Variants in COL28A1 observed in about 807,000 individuals in gnomAD.
COL28A1 encodes collagen alpha-1(XXVIII) chain.
Under a neutral mutation model 150.2 loss-of-function variants are expected in COL28A1, and 161 were observed. The ratio of observed to expected loss-of-function variants is 1.07; its 90% CI spans 0.94 to 1.22. The LOEUF is 1.22. Ranked by LOEUF, COL28A1 falls within the 50% of genes most tolerant of loss-of-function variation. The pLI, the probability that COL28A1 is intolerant of heterozygous loss-of-function variation, is 0.00. For synonymous variants in COL28A1, 552 were observed against 469.7 expected (o/e 1.18, Z -2.26); for missense variants, 1,617 against 1,388.3 (o/e 1.16, Z -2.62).
rs531564030 is a variant in COL28A1, at chr7:7,461,753, C to T, written c.1303-5641G>A. On this transcript the variant is annotated intron_variant, in intron 15 of 34. Transcript: ENST00000399429. ...AGACCCACCCAAGTAGAAGTAGAGT[C>T]TGAGCTCAGAAACACCTAGCCTTGC... Among the ~76,000 whole-genome samples the T allele has an allele frequency of 3.3e-5, 5 of 152,258 alleles. No individual in the cohort carries two copies. The South Asian group carries it at 1.0e-3, about 32-fold the overall frequency.
chr7:7,427,969 A>C (rs1784738117), intron 25 of COL28A1, among the ~76,000 whole-genome samples: 1 of 152,164 alleles, frequency 6.6e-6, no homozygotes, highest in African/African-American at 2.4e-5. Flanking sequence ...ATCCATATCC[A>C]TAGCCCCTCT....
chr7:7,359,647 A>T (rs1022369581), intron 34 of COL28A1, among the ~76,000 whole-genome samples: 3 of 152,136 alleles, frequency 2.0e-5, no homozygotes, highest in African/African-American at 7.2e-5. Context: ...CTTATATGTG[A>T]TAAACTTTAT....
Position 7,456,120 on chromosome 7 carries a change from GA to G in COL28A1, c.1303-9del. On this transcript the variant is annotated splice_polypyrimidine_tract_variant and intron_variant, in intron 15 of 34. Coordinates refer to ENST00000399429, the MANE Select transcript of COL28A1 (RefSeq NM_001037763.3). ...CACAGGTCCTATATCCCCCTGCACA[GA>G]AAATAAGCCAGGAAATATAACAATA... 6.2e-7 allele frequency: 1 copy of G among 1,608,542 alleles called. No individual in the cohort carries two copies. Among genetic ancestry groups the G allele is most frequent in the South Asian group, 1.1e-5 (1 of 89,990 alleles).
intron 13 of COL28A1, among the ~76,000 whole-genome samples, chr7:7,480,098 C>T (rs1290659849): frequency 2.0e-5 from 3 of 152,178 alleles, no homozygotes; most frequent in African/African-American, 7.2e-5. Flanking sequence ...ATACAGTAAT[C>T]CAGGGTGATT....
Position 7,380,763 on chromosome 7 carries a change from G to A in COL28A1, c.2286+19C>T. 1.2e-6 allele frequency: 2 copies of A among 1,612,208 alleles called. No homozygotes were observed. The highest frequency in any genetic ancestry group is 1.7e-6 in the Non-Finnish European group (2 of 1,178,290). ...CAGTTAGAGTATAAAATCACAGTGA[G>A]ACATTAAAAACTACTTGCCTGTTTT... On this transcript the variant is annotated intron_variant, in intron 29 of 34. Transcript: ENST00000399429.
chr7:7,387,068 C>T (rs1188679849), intron 27 of COL28A1, among the ~76,000 whole-genome samples: 2 of 152,086 alleles, frequency 1.3e-5, no homozygotes, highest in Admixed American at 6.6e-5. Flanking sequence ...TAATCACCAC[C>T]CCAAGGCCCC....
chr7:7,354,466 G>C (rs575994509), downstream of COL28A1, among the ~76,000 whole-genome samples: 44 of 151,858 alleles, frequency 2.9e-4, no homozygotes, highest in East Asian at 3.5e-3. Flanking sequence ...TACAGAGTAG[G>C]GTGTCCTCAA....
intron 9 of COL28A1, among the ~76,000 whole-genome samples, chr7:7,508,223 C>T (rs1036926693): frequency 6.7e-6 from 1 of 149,568 alleles, no homozygotes; most frequent in African/African-American, 2.5e-5. Flanking sequence ...CAGAGCGAGA[C>T]TCTGTCTCAA....
chr7:7,415,286 T>C (rs1198750130), intron 27 of COL28A1, among the ~76,000 whole-genome samples: 4 of 152,212 alleles, frequency 2.6e-5, no homozygotes, highest in Non-Finnish European at 5.9e-5. Flanking sequence ...GGGTAGGAAA[T>C]AAGTCAACAA....
In COL28A1 at chr7:7,510,818, C is replaced by A. The variant is rs556033982; in HGVS notation, c.927+273G>T. Among the ~76,000 whole-genome samples, 304 of 152,270 alleles carry A rather than the reference C, an allele frequency of 2.0e-3. 1 individual carries two copies. Among genetic ancestry groups the A allele is most frequent in the Non-Finnish European group, 3.2e-3 (220 of 68,020 alleles). On this transcript the variant is annotated intron_variant, in intron 9 of 34. Transcript: ENST00000399429. ...AATTAACTTTGCAGGTTAAATAATT[C>A]TTTTTACCATAACATTCAGTGGGCG...
intron 18 of COL28A1, among the ~76,000 whole-genome samples, chr7:7,448,695 A>C (rs1786456913): frequency 6.6e-6 from 1 of 151,852 alleles, no homozygotes; most frequent in Non-Finnish European, 1.5e-5. Flanking sequence ...CAAATCTGGA[A>C]AAAAACAAAA....
intron 3 of COL28A1, among the ~76,000 whole-genome samples, chr7:7,529,072 C>T (rs1159902969): frequency 1.3e-5 from 2 of 151,856 alleles, no homozygotes; most frequent in African/African-American, 4.8e-5. Context: ...GAGGCCGAGG[C>T]GGGCAGATCA....
Position 7,481,890 on chromosome 7 carries a change from T to A in COL28A1, c.1165-4710A>T, listed in dbSNP as rs76953810. Among the ~76,000 whole-genome samples, 5 of 152,236 alleles carry A rather than the reference T, an allele frequency of 3.3e-5. No homozygotes were observed. In the South Asian group the frequency reaches 8.3e-4, roughly 25 times the overall value. On this transcript the variant is annotated intron_variant, in intron 13 of 34. Transcript: ENST00000399429. The stretch of plus-strand genomic sequence containing the variant: ...TAGTTCCCTTTCAGGGTTTTTTTTT[T>A]AATTTACAGTGCTCTGAATAACCTT...
chr7:7,428,182 C>G (rs1212748236), intron 25 of COL28A1, among the ~76,000 whole-genome samples: 1 of 152,134 alleles, frequency 6.6e-6, no homozygotes, highest in Non-Finnish European at 1.5e-5. Flanking sequence ...TCCAACAAGT[C>G]TTTTCTGCCA....
At position 7,477,425 on chromosome 7, in the gene COL28A1, G is replaced by A. The variant is rs150550415; in HGVS notation, c.1165-245C>T. Among the ~76,000 whole-genome samples, 751 of 152,314 alleles carry A rather than the reference G, an allele frequency of 4.9e-3. 4 individuals carry two copies. The highest frequency in any genetic ancestry group is 0.02 in the Middle Eastern group (6 of 294). On this transcript the variant is annotated intron_variant, in intron 13 of 34. Coordinates refer to ENST00000399429, the MANE Select transcript of COL28A1 (RefSeq NM_001037763.3). ...TATTAGGTATTGTAACTAATCTAGA[G>A]ATGATTCAAAGTATACCAGATGTGC...
chr7:7,534,978 GT>G (rs1341878925), intron 1 of COL28A1, among the ~76,000 whole-genome samples: 1 of 151,914 alleles, frequency 6.6e-6, no homozygotes, highest in Non-Finnish European at 1.5e-5. Context: ...TATCTTTCTC[GT>G]TTATTAATTT....
intron 11 of COL28A1, among the ~76,000 whole-genome samples, chr7:7,505,065 A>T (rs564858899): frequency 1.3e-5 from 2 of 152,358 alleles, no homozygotes; most frequent in African/African-American, 4.8e-5. Flanking sequence ...GCCTAAGCAC[A>T]TGCCTGCTGA....
intron 27 of COL28A1, among the ~76,000 whole-genome samples, chr7:7,395,019 T>C (rs369709920): frequency 2.0e-5 from 3 of 152,148 alleles, no homozygotes; most frequent in East Asian, 1.9e-4. Context: ...GGGCTGGGCA[T>C]GGTGGCTTAT....
intron 13 of COL28A1, among the ~76,000 whole-genome samples, chr7:7,487,815 G>A (rs1340293841): frequency 6.6e-6 from 1 of 152,158 alleles, no homozygotes; most frequent in African/African-American, 2.4e-5. Flanking sequence ...AAATGATGCT[G>A]TATAATTTCT....
Sources: allele counts gnomAD v4.1 joint callset (sites outside exome capture counted in the v4.1 genomes callset), GRCh38; gene constraint gnomAD v4.1.1; transcripts MANE v1.5; gene names NCBI Gene and HGNC (gene_info 2026-07-23, HGNC 2026-07-21).